The following SLC38A4 variants were observed in gnomAD, a reference collection of about 807,000 sequenced individuals.
The protein encoded by SLC38A4 is solute carrier family 38 member 4.
SLC38A4 carries 20 observed loss-of-function variants against 63.1 expected under a neutral mutation model. The ratio of observed to expected loss-of-function variants is 0.32; its 90% confidence interval spans 0.22 to 0.46. The LOEUF (loss-of-function observed/expected upper bound fraction) is 0.46, where lower values mean the gene tolerates loss of function less well. SLC38A4 is among the 20% of genes least tolerant of loss of function. The pLI, the probability that SLC38A4 is intolerant of heterozygous loss-of-function variation, is 1.00. For synonymous variants in SLC38A4, 230 were observed against 225.5 expected (o/e 1.02, Z -0.18); for missense variants, 526 against 663.6 (o/e 0.79, Z 2.28).
rs1457542867 is a variant in SLC38A4, at chr12:46,779,859, T to G, written c.579A>C (p.Glu193Asp). Residue 193 changes from glutamate (E) to aspartate (D), a missense_variant, in exon 9 of 17, where the codon GAA (glutamate) becomes GAC (aspartate). Physicochemically the swap from Glu to Asp is conservative, Grantham distance 45. Transcript: ENST00000266579. ...TGAGGTAGTTGCCATTGAGGTACCA[T>G]TCTCTAGAAGTGAGAGACAAGGATA... The part of the protein sequence containing the change: ...AFMGLEENTG[E>D]WYLNGNYLII... 5.6e-6 allele frequency: 9 copies of G among 1,611,984 alleles called. No individual in the cohort carries two copies. Among genetic ancestry groups the G allele is most frequent in the Non-Finnish European group, 4.2e-6 (5 of 1,178,788 alleles).
chr12:46,788,394 G>T (rs1032481721), intron 4 of SLC38A4, 134 bp downstream of exon 4: 2 of 692,314 alleles, frequency 2.9e-6, no homozygotes, highest in Non-Finnish European at 4.9e-6. Flanking sequence ...CCTTATTCCA[G>T]TAAGAGCCTG....
At chr12:46,782,062 T>C (rs1013351393) in intron 7 of SLC38A4, among the ~76,000 whole-genome samples, 4 of 152,028 alleles carry the variant, frequency 2.6e-5, no homozygotes, top group South Asian at 2.1e-4. Context: ...CTACCCAAGA[T>C]TGTAGTCTTA....
upstream of SLC38A4, among the ~76,000 whole-genome samples, chr12:46,828,661 T>C (rs763010237): frequency 6.6e-5 from 10 of 152,224 alleles, no homozygotes; most frequent in African/African-American, 9.7e-5. Context: ...TGCAAATGTT[T>C]CCTTATCTAT....
Position 46,779,664 on chromosome 12 carries a change from GATA to G in SLC38A4, c.661_663del (p.Tyr221del). On this transcript the variant is annotated inframe_deletion and splice_region_variant, in exon 10 of 17. Transcript: ENST00000266579. ...AGAGAAAATCCACTGGTATAGCCAA[GATA>G]ACCTAGAAGTTAGAAGAAGCATTTT... The G allele has an allele frequency of 6.2e-7, 1 of 1,607,118 alleles. No homozygotes were observed. Among genetic ancestry groups the G allele is most frequent in the Non-Finnish European group, 8.5e-7 (1 of 1,177,666 alleles).
At chr12:46,789,964 G>A (rs12318924) in intron 3 of SLC38A4, among the ~76,000 whole-genome samples, 19,299 of 152,058 alleles carry the variant, frequency 0.13, 1,902 homozygotes, top group African/African-American at 0.28. Flanking sequence ...TGTAATCCCA[G>A]CTACTCAGGA....
chr12:46,813,017 C>T (rs1939370591), intron 1 of SLC38A4, among the ~76,000 whole-genome samples: 1 of 151,844 alleles, frequency 6.6e-6, no homozygotes. Flanking sequence ...ACCAATTATT[C>T]CATCAGTGAG....
At chr12:46,826,741 G>A (rs146714438), upstream of SLC38A4, among the ~76,000 whole-genome samples, 24 of 152,248 alleles carry the variant, frequency 1.6e-4, no homozygotes, top group African/African-American at 5.3e-4. Context: ...CTTTATGATG[G>A]CATTAGGATT....
chr12:46,789,225 A>G (rs1254244524), intron 3 of SLC38A4, among the ~76,000 whole-genome samples: 3 of 149,420 alleles, frequency 2.0e-5, no homozygotes, highest in Non-Finnish European at 4.4e-5. Context: ...TTTTTTTGGT[A>G]CAATCATTTA....
At chr12:46,826,239 T>C (rs1348432063), upstream of SLC38A4, among the ~76,000 whole-genome samples, 11 of 152,142 alleles carry the variant, frequency 7.2e-5, no homozygotes, top group Non-Finnish European at 1.3e-4. Flanking sequence ...CTTAGGAGTA[T>C]GCAGTGTAAA....
chr12:46,785,085 G>A lies in SLC38A4; in HGVS notation c.400+19C>T. ...ATGAGAATTAAAATAGAATGTGTTG[G>A]ACTCAAGTGGTAGCATACCTCCTTC... On this transcript the variant is annotated intron_variant, in intron 6 of 16. Transcript: ENST00000266579. The A allele has an allele frequency of 6.4e-7, 1 of 1,572,436 alleles. No individual in the cohort carries two copies. The highest frequency in any genetic ancestry group is 1.3e-5 in the African/African-American group (1 of 74,120).
chr12:46,826,700 T>C (rs1233598262), upstream of SLC38A4, among the ~76,000 whole-genome samples: 1 of 152,122 alleles, frequency 6.6e-6, no homozygotes, highest in Admixed American at 6.5e-5. Context: ...AGTTGGATGG[T>C]AGAGTCAAGA....
chr12:46,807,565 TC>T (rs1231863995), intron 1 of SLC38A4, among the ~76,000 whole-genome samples: 23 of 152,170 alleles, frequency 1.5e-4, no homozygotes, highest in Middle Eastern at 3.4e-3. Context: ...GAATTTGTGA[TC>T]TTTTTTGATG....
At chr12:46,829,112 C>T (rs1939696899), upstream of SLC38A4, among the ~76,000 whole-genome samples, 1 of 152,178 alleles carries the variant, frequency 6.6e-6, no homozygotes, top group African/African-American at 2.4e-5. Context: ...TCCTTAACCT[C>T]TTCAATTTCC....
chr12:46,828,997 TA>T, upstream of SLC38A4, among the ~76,000 whole-genome samples: 1 of 152,348 alleles, frequency 6.6e-6, no homozygotes, highest in African/African-American at 2.4e-5. Flanking sequence ...TGGTTGTCTT[TA>T]TTTTACTGCT....
intron 7 of SLC38A4, among the ~76,000 whole-genome samples, chr12:46,781,587 G>A (rs1040247475): frequency 6.6e-6 from 1 of 152,056 alleles, no homozygotes; most frequent in African/African-American, 2.4e-5. Flanking sequence ...TAAATGTAGA[G>A]TTGTTAAATA....
intron 10 of SLC38A4, among the ~76,000 whole-genome samples, chr12:46,779,055 C>A (rs1486149725): frequency 6.6e-6 from 1 of 151,942 alleles, no homozygotes; most frequent in Admixed American, 6.6e-5. Flanking sequence ...TGATCATTTC[C>A]TTATTTCTTC....
intron 2 of SLC38A4, among the ~76,000 whole-genome samples, chr12:46,802,532 T>C (rs943465220): frequency 2.0e-5 from 3 of 152,062 alleles, no homozygotes; most frequent in Admixed American, 6.6e-5. Context: ...TAAAGCTACA[T>C]TTTTCAGATC....
chr12:46,778,728 G>C lies in SLC38A4; in HGVS notation c.766C>G (p.His256Asp). The change falls in exon 11 of 17, where the codon CAC becomes GAC. Residue 256 changes from histidine (H) to aspartate (D), a missense_variant. Transcript: ENST00000266579. ...TTGAATGACAGATTTCCAACACTGT[G>C]ATCCAAAACAGGTAGAGGGCAGGGT... ...QIPCPLPVLDHSVGNLSFNNT... is the reference protein window; with the variant it reads ...QIPCPLPVLDDSVGNLSFNNT... The C allele has an allele frequency of 6.2e-7, 1 of 1,612,626 alleles. No homozygotes were observed. Among genetic ancestry groups the C allele is most frequent in the Non-Finnish European group, 8.5e-7 (1 of 1,179,210 alleles).
At chr12:46,803,461 C>T (rs1313507154) in intron 2 of SLC38A4, 142 bp downstream of exon 2, 1 of 151,918 alleles carries the variant, frequency 6.6e-6, no homozygotes, top group African/African-American at 2.4e-5. Context: ...CTGAATTGAT[C>T]ATTTCTAAAA....
Sources: allele counts gnomAD v4.1 joint callset (sites outside exome capture counted in the v4.1 genomes callset), GRCh38; gene constraint gnomAD v4.1.1; transcripts MANE v1.5; gene names NCBI Gene and HGNC (gene_info 2026-07-23, HGNC 2026-07-21).